AZIN1: variants seen among roughly 807,000 people sequenced by gnomAD.
The protein encoded by AZIN1 is antizyme inhibitor 1.
A neutral mutation model predicts 47.4 loss-of-function variants in AZIN1; 12 were observed. The ratio of observed to expected loss-of-function variants is 0.25; its 90% CI spans 0.16 to 0.41. The LOEUF is 0.41. AZIN1 is among the 10% of genes least tolerant of loss of function. The probability of loss-of-function intolerance (pLI) is 1.00; values close to 1 mark genes in which losing one functional copy is unlikely to be tolerated. For synonymous variants in AZIN1, 155 were observed against 176.3 expected (o/e 0.88, Z 0.96); for missense variants, 410 against 532.4 (o/e 0.77, Z 2.26).
At chr8:102,841,600 C>A (rs1246247891) in intron 3 of AZIN1, among the ~76,000 whole-genome samples, 1 of 151,892 alleles carries the variant, frequency 6.6e-6, no homozygotes. Context: ...AGTTGAATGG[C>A]AGAGGAAGAC....
chr8:102,839,321 T>A (rs1812027552), intron 4 of AZIN1, among the ~76,000 whole-genome samples: 2 of 152,190 alleles, frequency 1.3e-5, no homozygotes, highest in African/African-American at 2.4e-5. Context: ...GCCTAAACAT[T>A]ACTAAAAAGA....
intron 2 of AZIN1, among the ~76,000 whole-genome samples, chr8:102,853,310 C>G (rs374976108): frequency 6.6e-6 from 1 of 152,360 alleles, no homozygotes; most frequent in African/African-American, 2.4e-5. Flanking sequence ...CGAGACAAGT[C>G]TGACCAATAT....
chr8:102,840,218 A>G (rs777746469), intron 3 of AZIN1, among the ~76,000 whole-genome samples: 1 of 152,268 alleles, frequency 6.6e-6, no homozygotes, highest in Admixed American at 6.5e-5. Flanking sequence ...AGTTCAGGAT[A>G]TAATTTCCTA....
At chr8:102,840,710 CA>C (rs1321250786) in intron 3 of AZIN1, among the ~76,000 whole-genome samples, 1 of 151,936 alleles carries the variant, frequency 6.6e-6, no homozygotes, top group Non-Finnish European at 1.5e-5. Context: ...AGATAGCAGG[CA>C]AAAAAATCTT....
At chr8:102,837,101 G>T (rs1397551345) in intron 5 of AZIN1, among the ~76,000 whole-genome samples, 1 of 152,026 alleles carries the variant, frequency 6.6e-6, no homozygotes, top group African/African-American at 2.4e-5. Context: ...TTTATTTTTA[G>T]TGGAGACAGG....
chr8:102,856,974 A>G (rs549688659), intron 2 of AZIN1, among the ~76,000 whole-genome samples: 1 of 152,372 alleles, frequency 6.6e-6, no homozygotes, highest in East Asian at 1.9e-4. Flanking sequence ...ACACTCAAAA[A>G]AAGAAATTAT....
At chr8:102,863,718 G>A (rs1471773156) in intron 1 of AZIN1, 89 bp downstream of exon 1, 1 of 151,780 alleles carries the variant, frequency 6.6e-6, no homozygotes, top group Non-Finnish European at 1.5e-5. Flanking sequence ...CGTCTTAAGG[G>A]CGGCGGGGCC....
chr8:102,861,264 G>T (rs918509095), intron 1 of AZIN1, among the ~76,000 whole-genome samples: 23 of 152,078 alleles, frequency 1.5e-4, no homozygotes, highest in African/African-American at 5.1e-4. Context: ...CGCTGCTCTT[G>T]TCCCCCAGGC....
intron 2 of AZIN1, among the ~76,000 whole-genome samples, chr8:102,855,111 A>G (rs1813198190): frequency 6.6e-6 from 1 of 152,042 alleles, no homozygotes; most frequent in African/African-American, 2.4e-5. Flanking sequence ...CTGAAGTGCA[A>G]TGGCACGATC....
At chr8:102,829,593 A>G in intron 10 of AZIN1, 107 bp from the exon 11 acceptor site, 1 of 1,128,540 alleles carries the variant, frequency 8.9e-7, no homozygotes, top group Non-Finnish European at 1.3e-6. Flanking sequence ...GCTCATGGAA[A>G]AAAGGCCTAG....
At chr8:102,849,653 CACTTTT>C (rs1295191735) in intron 2 of AZIN1, among the ~76,000 whole-genome samples, 1 of 152,160 alleles carries the variant, frequency 6.6e-6, no homozygotes, top group African/African-American at 2.4e-5. Flanking sequence ...TACTCACAAG[CACTTTT>C]AAGCTATTTT....
chr8:102,832,834 T>G (rs559862610), intron 9 of AZIN1, among the ~76,000 whole-genome samples: 1 of 151,890 alleles, frequency 6.6e-6, no homozygotes, highest in Non-Finnish European at 1.5e-5. Flanking sequence ...AGAGATGGGG[T>G]TTCCACCATA....
In AZIN1 at chr8:102,842,179, C is replaced by T. The variant is rs374350887; in HGVS notation, c.102+1372G>A. The stretch of plus-strand genomic sequence containing the variant: ...TATATGATTCTGTAGAAGTTGACTC[C>T]TAGAGCAGCAGAGAGTAAGTACTCA... On this transcript the variant is annotated intron_variant, in intron 3 of 11. Transcript: ENST00000337198. 2.0e-5 allele frequency among the ~76,000 whole-genome samples: 3 copies of T among 152,060 alleles called. No individual in the cohort carries two copies. The East Asian group carries it at 5.8e-4, about 29-fold the overall frequency.
At chr8:102,845,155 A>C (rs1812492862) in intron 2 of AZIN1, among the ~76,000 whole-genome samples, 2 of 151,384 alleles carry the variant, frequency 1.3e-5, no homozygotes, top group African/African-American at 4.9e-5. Flanking sequence ...ACCCTCCCTA[A>C]TGCCCCAAAC....
chr8:102,833,002 G>C, intron 9 of AZIN1, 54 bp downstream of exon 9: 1 of 1,469,750 alleles, frequency 6.8e-7, no homozygotes, highest in Non-Finnish European at 9.4e-7. Flanking sequence ...CTCATTTCCA[G>C]ACTAACTGCA....
intron 2 of AZIN1, among the ~76,000 whole-genome samples, chr8:102,856,819 TG>T (rs1458458146): frequency 2.6e-5 from 4 of 152,342 alleles, no homozygotes; most frequent in African/African-American, 9.6e-5. Context: ...GCAATGACCC[TG>T]CTTCTCTTTA....
At chr8:102,841,392 T>C (rs996058687) in intron 3 of AZIN1, among the ~76,000 whole-genome samples, 5 of 152,154 alleles carry the variant, frequency 3.3e-5, no homozygotes, top group African/African-American at 1.2e-4. Context: ...TTAATTTAGA[T>C]GTGGGATGGA....
At chr8:102,843,442 T>C (rs912853484) in intron 3 of AZIN1, 109 bp downstream of exon 3, 7 of 880,898 alleles carry the variant, frequency 7.9e-6, no homozygotes, top group Admixed American at 5.0e-5. Flanking sequence ...TTAAATCAGA[T>C]AGCATATGAA....
At chr8:102,842,884 G>A (rs1586177886) in intron 3 of AZIN1, among the ~76,000 whole-genome samples, 1 of 151,660 alleles carries the variant, frequency 6.6e-6, no homozygotes, top group Non-Finnish European at 1.5e-5. Flanking sequence ...TCCAGCCTGG[G>A]CAACAGTGTA....
Sources: allele counts gnomAD v4.1 joint callset (sites outside exome capture counted in the v4.1 genomes callset), GRCh38; gene constraint gnomAD v4.1.1; transcripts MANE v1.5; gene names NCBI Gene and HGNC (gene_info 2026-07-23, HGNC 2026-07-21).